Variants in CAMTA1 observed in about 807,000 individuals in gnomAD.
CAMTA1 encodes the protein calmodulin binding transcription activator 1.
A neutral mutation model predicts 170.9 loss-of-function variants in CAMTA1; 27 were observed. That is an observed-to-expected ratio of 0.16 (90% CI 0.12 to 0.22). The LOEUF (loss-of-function observed/expected upper bound fraction) is 0.22. Ranked by LOEUF, CAMTA1 falls within the 10% of genes least tolerant of loss-of-function variation. The probability of loss-of-function intolerance (pLI) is 1.00; values close to 1 mark genes in which losing one functional copy is unlikely to be tolerated. For missense variants in CAMTA1, 1,619 were observed against 2,217.2 expected, an observed-to-expected ratio of 0.73 and a Z score of 5.42; for synonymous variants, 833 against 891.5, an observed-to-expected ratio of 0.93 and a Z score of 1.17.
At position 7,513,932 on chromosome 1, in the gene CAMTA1, TACACAC is replaced by T. The variant is rs962707333; in HGVS notation, c.510+46041_510+46046del. Among the ~76,000 whole-genome samples the T allele has an allele frequency of 4.0e-5, 3 of 75,826 alleles. No homozygotes were observed. In the South Asian group the frequency reaches 1.2e-3, roughly 31 times the overall value. The allele number at this position is 75,826 out of a possible 152,430, so 49.7% of individuals were successfully genotyped here. On this transcript the variant is annotated intron_variant, in intron 6 of 22. Transcript: ENST00000303635. ...AGTGAAACTCCGTCTCAAAAACACA[TACACAC>T]ACACACACATACACACACACACACA...
chr1:7,698,081 C>G (rs1012368055), intron 11 of CAMTA1, among the ~76,000 whole-genome samples: 2 of 140,894 alleles, frequency 1.4e-5, no homozygotes, highest in Non-Finnish European at 3.2e-5. Flanking sequence ...GTGACCCCCC[C>G]CCCCCCCACC....
At chr1:7,715,990 A>G (rs558889925) in intron 11 of CAMTA1, among the ~76,000 whole-genome samples, 13 of 152,314 alleles carry the variant, frequency 8.5e-5, no homozygotes, top group African/African-American at 3.1e-4. Context: ...AATATCATCT[A>G]TTTATCAGAA....
intron 5 of CAMTA1, among the ~76,000 whole-genome samples, chr1:7,278,581 C>T (rs1438772296): frequency 6.6e-6 from 1 of 152,202 alleles, no homozygotes; most frequent in Non-Finnish European, 1.5e-5. Context: ...TCCAAGGTCA[C>T]TTAGCTCGTC....
At chr1:7,505,401 C>G (rs910865912) in intron 6 of CAMTA1, among the ~76,000 whole-genome samples, 1 of 152,194 alleles carries the variant, frequency 6.6e-6, no homozygotes, top group Admixed American at 6.5e-5. Flanking sequence ...AAAAGAAAAA[C>G]AGTCCTGGGC....
At chr1:7,418,871 C>G (rs933860670) in intron 5 of CAMTA1, among the ~76,000 whole-genome samples, 78 of 152,288 alleles carry the variant, frequency 5.1e-4, no homozygotes, top group African/African-American at 1.9e-3. Context: ...TGCCGGGACC[C>G]GAATCTGGAC....
At chr1:7,696,812 G>C (rs1297103262) in intron 11 of CAMTA1, among the ~76,000 whole-genome samples, 1 of 152,158 alleles carries the variant, frequency 6.6e-6, no homozygotes, top group Non-Finnish European at 1.5e-5. Flanking sequence ...GGCCGTGGCA[G>C]CCCATACACT....
At chr1:7,656,767 G>A (rs751397266) in intron 7 of CAMTA1, among the ~76,000 whole-genome samples, 5 of 152,248 alleles carry the variant, frequency 3.3e-5, no homozygotes, top group Non-Finnish European at 5.9e-5. Flanking sequence ...GCGGTTGGCC[G>A]CCTCTTGGGT....
Position 7,482,888 on chromosome 1 carries a change from G to A in CAMTA1, c.510+14987G>A, listed in dbSNP as rs1312567871. 6.6e-6 allele frequency among the ~76,000 whole-genome samples: 1 copy of A among 152,100 alleles called. No individual in the cohort carries two copies. Among genetic ancestry groups the A allele is most frequent in the Non-Finnish European group, 1.5e-5 (1 of 68,008 alleles). On this transcript the variant is annotated intron_variant, in intron 6 of 22. Coordinates refer to ENST00000303635, the MANE Select transcript of CAMTA1 (RefSeq NM_015215.4). The surrounding 1 kb of genome is among the most constrained non-coding windows in gnomAD (Gnocchi z 4.2). ...CCCCAGCTCAGGTCCCTGATGCAGG[G>A]GCTCTGTCAACACCTCCTCTCAGTC...
At chr1:7,194,624 C>T (rs1394712264) in intron 4 of CAMTA1, among the ~76,000 whole-genome samples, 1 of 152,108 alleles carries the variant, frequency 6.6e-6, no homozygotes, top group Non-Finnish European at 1.5e-5. Context: ...TGTTTTACAG[C>T]GATACTTGGA....
At chr1:7,437,608 C>T (rs1029573028) in intron 5 of CAMTA1, among the ~76,000 whole-genome samples, 4 of 152,208 alleles carry the variant, frequency 2.6e-5, no homozygotes, top group Admixed American at 2.0e-4. Flanking sequence ...AGGACTTCAA[C>T]GTATGAATTT....
chr1:7,337,653 G>GGTGGGCCTCATCCAATCACAATGTGGGCA (rs2083483935), intron 5 of CAMTA1, among the ~76,000 whole-genome samples: 1 of 150,120 alleles, frequency 6.7e-6, no homozygotes, highest in East Asian at 2.0e-4. Flanking sequence ...CAATGTGGGC[G>GGTGGGCCTCATCCAATCACAATGTGGGCA]GTGGGCCTCA....
At chr1:7,473,766 C>T (rs1166328529) in intron 6 of CAMTA1, among the ~76,000 whole-genome samples, 1 of 152,238 alleles carries the variant, frequency 6.6e-6, no homozygotes, top group Non-Finnish European at 1.5e-5. Context: ...CTCCAGGGAC[C>T]GTGGCACCTC....
chr1:7,729,555 A>G (rs946577841), intron 11 of CAMTA1, among the ~76,000 whole-genome samples: 4 of 152,230 alleles, frequency 2.6e-5, no homozygotes, highest in African/African-American at 9.6e-5. Context: ...TAAGCTTTCT[A>G]GAGAGTGAGA....
chr1:7,155,415 T>G (rs1573512729), intron 4 of CAMTA1, among the ~76,000 whole-genome samples: 3 of 144,672 alleles, frequency 2.1e-5, no homozygotes, highest in Admixed American at 6.9e-5. Flanking sequence ...GGGAAAAGAG[T>G]GGCGCCCACA....
intron 11 of CAMTA1, among the ~76,000 whole-genome samples, chr1:7,712,142 A>G (rs2096575381): frequency 6.6e-6 from 1 of 152,226 alleles, no homozygotes; most frequent in South Asian, 2.1e-4. Flanking sequence ...AAATAAGGAA[A>G]TATATAAAAT....
At chr1:7,418,167 C>T (rs2091322491) in intron 5 of CAMTA1, among the ~76,000 whole-genome samples, 1 of 152,088 alleles carries the variant, frequency 6.6e-6, no homozygotes, top group Admixed American at 6.5e-5. Flanking sequence ...GAGTCCACTT[C>T]CTGGTCCTCT....
At chr1:7,625,979 A>C (rs1043104648) in intron 6 of CAMTA1, among the ~76,000 whole-genome samples, 1 of 152,242 alleles carries the variant, frequency 6.6e-6, no homozygotes, top group Non-Finnish European at 1.5e-5. Flanking sequence ...GAAAATAACA[A>C]AAAGAAAAAC....
chr1:7,232,610 C>T (rs536463969), intron 4 of CAMTA1, among the ~76,000 whole-genome samples: 2 of 152,282 alleles, frequency 1.3e-5, no homozygotes, highest in Admixed American at 6.5e-5. Context: ...GTTCCCGGTG[C>T]CTACCACGGG....
At chr1:7,057,156 A>G (rs1707468185) in intron 3 of CAMTA1, among the ~76,000 whole-genome samples, 1 of 152,014 alleles carries the variant, frequency 6.6e-6, no homozygotes, top group South Asian at 2.1e-4. Flanking sequence ...GCTCCTTTCT[A>G]TGTGTTTGCA....
Sources: allele counts gnomAD v4.1 joint callset (sites outside exome capture counted in the v4.1 genomes callset), GRCh38; gene constraint gnomAD v4.1.1; non-coding constraint Gnocchi (gnomAD v3.1); transcripts MANE v1.5; gene names NCBI Gene and HGNC (gene_info 2026-07-23, HGNC 2026-07-21).